Variants in CLASP1 observed in about 807,000 individuals in gnomAD.
CLASP1 encodes the protein cytoplasmic linker associated protein 1.
Under a neutral mutation model 192.3 loss-of-function variants are expected in CLASP1, and 38 were observed. That is an observed-to-expected ratio of 0.20 (90% CI 0.15 to 0.26). The LOEUF is 0.26. Among genes scored for constraint, CLASP1 ranks in the 10% least tolerant of loss-of-function variants. The probability of loss-of-function intolerance (pLI) is 1.00; values close to 1 mark genes in which losing one functional copy is unlikely to be tolerated. For missense variants in CLASP1, 1,433 were observed against 1,932.5 expected, an observed-to-expected ratio of 0.74 and a Z score of 4.85; for synonymous variants, 691 against 712.8, an observed-to-expected ratio of 0.97 and a Z score of 0.49.
chr2:121,377,525 G>A lies in CLASP1; in HGVS notation c.3616C>T (p.Arg1206Ter). 6.2e-7 allele frequency: 1 copy of A among 1,604,796 alleles called. No individual in the cohort carries two copies. The highest frequency in any genetic ancestry group is 8.5e-7 in the Non-Finnish European group (1 of 1,174,932). Residue 1206 changes from arginine to a stop codon, truncating the protein, a stop_gained, in exon 34 of 40, where the codon CGA becomes TGA. Transcript: ENST00000263710. LOFTEE classifies it high-confidence loss of function. ...ATATCACACTCCTTTTTGCCATCTCGTTTAATTGGCTCATTCAGATCTTCT... is the reference window on the plus strand; with the variant it reads ...ATATCACACTCCTTTTTGCCATCTCATTTAATTGGCTCATTCAGATCTTCT...
chr2:121,610,988 TGGA>T (rs2065325343), intron 1 of CLASP1, among the ~76,000 whole-genome samples: 2 of 54,378 alleles, frequency 3.7e-5, no homozygotes, highest in Non-Finnish European at 3.8e-5. Flanking sequence ...GAAGAGGAAC[TGGA>T]GGAGGAGGAG....
At position 121,558,029 on chromosome 2, in the gene CLASP1, G is replaced by A. The variant is rs776152514; in HGVS notation, c.196-27704C>T. Among the ~76,000 whole-genome samples the A allele has an allele frequency of 5.5e-4, 81 of 148,064 alleles. 2 individuals carry two copies. The highest frequency in any genetic ancestry group is 1.1e-3 in the Admixed American group (16 of 14,996). ...CAGGAGGCTGAGGTTGCAGTGAGCC[G>A]AGATTGCACCACTGCACTCCAGCCT... On this transcript the variant is annotated intron_variant, in intron 2 of 39. Coordinates refer to ENST00000263710, the Ensembl canonical transcript of CLASP1.
At chr2:121,499,773 T>C (rs1182906595) in intron 8 of CLASP1, among the ~76,000 whole-genome samples, 1 of 151,926 alleles carries the variant, frequency 6.6e-6, no homozygotes, top group Non-Finnish European at 1.5e-5. Context: ...TTCTTTTCTA[T>C]TCTAAGGCCT....
intron 19 of CLASP1, chr2:121,445,008 T>C: frequency 8.1e-7 from 1 of 1,232,412 alleles, no homozygotes. Flanking sequence ...AGGGAACAGT[T>C]AGTAACATTC....
chr2:121,530,832 T>G (rs762171198), intron 2 of CLASP1: 6 of 662,006 alleles, frequency 9.1e-6, no homozygotes, highest in Non-Finnish European at 1.4e-5. Context: ...ACCACAACCC[T>G]ACCAGGTATT....
intron 1 of CLASP1, among the ~76,000 whole-genome samples, chr2:121,608,763 T>A (rs937772973): frequency 6.6e-6 from 1 of 152,230 alleles, no homozygotes; most frequent in South Asian, 2.1e-4. Flanking sequence ...ATAACTGATA[T>A]ACTCCTTCTT....
chr2:121,419,020 AAACT>A (rs1263691610), intron 22 of CLASP1, among the ~76,000 whole-genome samples: 1 of 152,256 alleles, frequency 6.6e-6, no homozygotes, highest in African/African-American at 2.4e-5. Context: ...TCTGAACAAC[AAACT>A]GTCATCAGAA....
At chr2:121,529,532 T>G (rs2094693882) in intron 3 of CLASP1, among the ~76,000 whole-genome samples, 1 of 152,194 alleles carries the variant, frequency 6.6e-6, no homozygotes, top group Admixed American at 6.5e-5. Flanking sequence ...TGTACCAACG[T>G]AAAACAGAGA....
exon 16 of CLASP1, chr2:121,450,944 C>G (rs1574976702): frequency 8.1e-6 from 13 of 1,611,350 alleles, no homozygotes; most frequent in Non-Finnish European, 1.1e-5. Flanking sequence ...TCGGAATCAG[C>G]ATCATGTATT....
rs867899464 is a variant in CLASP1, at chr2:121,445,510, A to C, written c.1912+1827T>G. 14 of 1,285,734 alleles carry C rather than the reference A, an allele frequency of 1.1e-5. No homozygotes were observed. The Middle Eastern group carries it at 2.6e-3, about 239-fold the overall frequency. 79.6% of individuals were successfully genotyped at this position (1,285,734 alleles called of 1,614,324 possible). A position where few individuals can be genotyped will look rare whatever the true frequency, so the allele number is the denominator to read the frequency against. ...TGTGTCTGGACTCTAGAAGTTTGGA[A>C]AAGGATCATCAGCTTTAATGCTACA... On this transcript the variant is annotated intron_variant, in intron 19 of 39. Transcript: ENST00000263710.
intron 2 of CLASP1, among the ~76,000 whole-genome samples, chr2:121,591,995 T>C (rs571525519): frequency 6.6e-6 from 1 of 152,346 alleles, no homozygotes; most frequent in South Asian, 2.1e-4. Flanking sequence ...TTTCTTACCA[T>C]GGTCCTTGTC....
intron 8 of CLASP1, among the ~76,000 whole-genome samples, chr2:121,490,943 A>G (rs998515736): frequency 2.0e-5 from 3 of 152,246 alleles, no homozygotes; most frequent in Non-Finnish European, 4.4e-5. Context: ...TTAAAGGATA[A>G]GCATGGATAA....
At chr2:121,433,879 T>C (rs1221140973) in intron 19 of CLASP1, among the ~76,000 whole-genome samples, 4 of 152,226 alleles carry the variant, frequency 2.6e-5, no homozygotes, top group Non-Finnish European at 5.9e-5. Flanking sequence ...GAGGGAAGTA[T>C]TCCCTCTTTT....
At chr2:121,612,420 A>G (rs1049223080) in intron 1 of CLASP1, among the ~76,000 whole-genome samples, 10 of 150,828 alleles carry the variant, frequency 6.6e-5, no homozygotes, top group Non-Finnish European at 3.0e-5. Context: ...AGGATTTGGA[A>G]GAATTGAAAG....
At chr2:121,600,720 AC>A (rs2063692400) in intron 2 of CLASP1, among the ~76,000 whole-genome samples, 1 of 152,328 alleles carries the variant, frequency 6.6e-6, no homozygotes, top group African/African-American at 2.4e-5. Flanking sequence ...GAAGACAATT[AC>A]TTTTGCACCA....
At chr2:121,345,649 T>C (rs559267808) in intron 39 of CLASP1, among the ~76,000 whole-genome samples, 3 of 152,190 alleles carry the variant, frequency 2.0e-5, no homozygotes, top group African/African-American at 7.2e-5. Flanking sequence ...TGTGCAGCAG[T>C]AGGGCAAGGA....
intron 8 of CLASP1, among the ~76,000 whole-genome samples, chr2:121,471,877 T>G (rs1284702018): frequency 6.6e-6 from 1 of 152,172 alleles, no homozygotes; most frequent in Non-Finnish European, 1.5e-5. Context: ...CAGAAAGTGG[T>G]TCATAATGGC....
At chr2:121,408,837 A>G (rs1238459453) in intron 24 of CLASP1, among the ~76,000 whole-genome samples, 1 of 152,234 alleles carries the variant, frequency 6.6e-6, no homozygotes, top group Non-Finnish European at 1.5e-5. Context: ...ACAGATGTAC[A>G]TGAAAGGTGG....
chr2:121,520,564 G>T (rs1349451289), intron 6 of CLASP1, among the ~76,000 whole-genome samples: 1 of 152,228 alleles, frequency 6.6e-6, no homozygotes, highest in South Asian at 2.1e-4. Context: ...ATTAGCAATG[G>T]TCATATGTTT....
Sources: allele counts gnomAD v4.1 joint callset (sites outside exome capture counted in the v4.1 genomes callset), GRCh38; gene constraint gnomAD v4.1.1; transcripts MANE v1.5; gene names NCBI Gene and HGNC (gene_info 2026-07-23, HGNC 2026-07-21).